Variants in BRIP1 observed in about 807,000 individuals in gnomAD.
BRIP1 encodes the protein BRCA1 interacting DNA helicase 1.
In BRIP1, 88 loss-of-function variants were observed where a neutral mutation model predicts 119.7. The ratio of observed to expected loss-of-function variants is 0.74; its 90% CI spans 0.62 to 0.88. The LOEUF (loss-of-function observed/expected upper bound fraction) is 0.88, where lower values mean the gene tolerates loss of function less well. Among genes scored for constraint, BRIP1 ranks in the 40% least tolerant of loss-of-function variants. The pLI, the probability that BRIP1 is intolerant of heterozygous loss-of-function variation, is 0.00. For synonymous variants in BRIP1, 443 were observed against 496.5 expected, an observed-to-expected ratio of 0.89 and a Z score of 1.43; for missense variants, 1,259 against 1,455.4, an observed-to-expected ratio of 0.87 and a Z score of 2.20.
intron 6 of BRIP1, among the ~76,000 whole-genome samples, chr17:61,833,860 A>G (rs2078530299): frequency 6.6e-6 from 1 of 152,172 alleles, no homozygotes; most frequent in South Asian, 2.1e-4. Context: ...CTTTTTCTCT[A>G]AAAGGCCAGA....
chr17:61,776,083 T>C lies in BRIP1; in HGVS notation c.2097+318A>G. On this transcript the variant is annotated intron_variant, in intron 14 of 19. Transcript: ENST00000259008. This position sits in a 1 kb window ranked among gnomAD's most constrained non-coding sequence, Gnocchi z 5.0. Reference sequence around the variant, plus strand: ...ATTTTGTAGAGGCAGAGTTTCACCATGTTCTCCAGGCTGGTCTCGAACTCC... The same window carrying C: ...ATTTTGTAGAGGCAGAGTTTCACCACGTTCTCCAGGCTGGTCTCGAACTCC... The C allele has an allele frequency of 3.0e-6, 1 of 331,120 alleles. No individual in the cohort carries two copies. Among genetic ancestry groups the C allele is most frequent in the South Asian group, 2.9e-5 (1 of 34,926 alleles). 20.5% of individuals were successfully genotyped at this position (331,120 alleles called of 1,614,324 possible). A position where few individuals can be genotyped will look rare whatever the true frequency, so the allele number is the denominator to read the frequency against.
chr17:61,733,638 A>G (rs1357810512), intron 16 of BRIP1, among the ~76,000 whole-genome samples: 2 of 152,172 alleles, frequency 1.3e-5, no homozygotes, highest in Non-Finnish European at 2.9e-5. Context: ...TTAAAATAAT[A>G]TATACCCAAA....
intron 10 of BRIP1, among the ~76,000 whole-genome samples, chr17:61,786,826 AT>A (rs1567819203): frequency 7.8e-6 from 1 of 127,448 alleles, no homozygotes; most frequent in East Asian, 2.2e-4. Flanking sequence ...ATATAAATAT[AT>A]TTTATATAAT....
rs879546925 is a variant in BRIP1, at chr17:61,793,212, C to G, written c.1473+385G>C. Among the ~76,000 whole-genome samples, 4 of 152,148 alleles carry G rather than the reference C, an allele frequency of 2.6e-5. No homozygotes were observed. In the East Asian group the frequency reaches 7.7e-4, roughly 29 times the overall value. On this transcript the variant is annotated intron_variant, in intron 10 of 19. Transcript: ENST00000259008. The surrounding 1 kb of genome is among the most constrained non-coding windows in gnomAD (Gnocchi z 5.2). ...TAGTCTTCCAAAGCCTACTCATGATCTCTCCATGAATATCAGGTTTATAAT... is the reference window on the plus strand; with the variant it reads ...TAGTCTTCCAAAGCCTACTCATGATGTCTCCATGAATATCAGGTTTATAAT...
rs974726866 is a variant in BRIP1 at position 61,699,060 on chromosome 17, G to T, written c.2493-5548C>A. ...CTATTAACTTTTTTTTGTCTTAAGG[G>T]TCTATTTTATCTGATATTAGTATAA... On this transcript the variant is annotated intron_variant, in intron 17 of 19. Transcript: ENST00000259008. This position sits in a 1 kb window ranked among gnomAD's most constrained non-coding sequence, Gnocchi z 4.8. 3.9e-5 allele frequency among the ~76,000 whole-genome samples: 6 copies of T among 152,056 alleles called. No homozygotes were observed. Among genetic ancestry groups the T allele is most frequent in the Non-Finnish European group, 7.4e-5 (5 of 68,006 alleles).
In BRIP1 at chr17:61,827,621, C is replaced by T. The variant is rs1333679411; in HGVS notation, c.628-18864G>A. Reference sequence around the variant, plus strand: ...GCACACACCTGTAATCCCAGCTATTCGGGAGGCTGAGGTGGGAGGACTGCT... The same window carrying T: ...GCACACACCTGTAATCCCAGCTATTTGGGAGGCTGAGGTGGGAGGACTGCT... On this transcript the variant is annotated intron_variant, in intron 6 of 19. Transcript: ENST00000259008. This position sits in a 1 kb window ranked among gnomAD's most constrained non-coding sequence, Gnocchi z 5.8. Among the ~76,000 whole-genome samples, 5 of 152,000 alleles carry T rather than the reference C, an allele frequency of 3.3e-5. No homozygotes were observed. In the East Asian group the frequency reaches 5.8e-4, roughly 18 times the overall value.
chr17:61,760,706 A>G lies in BRIP1; in HGVS notation c.2097+15695T>C, dbSNP rs2077265570. ...GAAATGGATAAATTCCTAGACACATACAACCTACCAAGACTGCATCATAAA... is the reference window on the plus strand; with the variant it reads ...GAAATGGATAAATTCCTAGACACATGCAACCTACCAAGACTGCATCATAAA... On this transcript the variant is annotated intron_variant, in intron 14 of 19. Coordinates refer to ENST00000259008, the MANE Select transcript of BRIP1 (RefSeq NM_032043.3). This position sits in a 1 kb window ranked among gnomAD's most constrained non-coding sequence, Gnocchi z 4.6. Among the ~76,000 whole-genome samples the G allele has an allele frequency of 6.6e-6, 1 of 152,016 alleles. No homozygotes were observed. The highest frequency in any genetic ancestry group is 6.6e-5 in the Admixed American group (1 of 15,238).
rs573486423 is a variant in BRIP1 at position 61,810,841 on chromosome 17, CT to C, written c.628-2085del. Reference sequence around the variant, plus strand: ...CTTCATATATACATATCTTTCATATCTTTTTTTCAAATAGAAAGGGATGCTA... The same window carrying C: ...CTTCATATATACATATCTTTCATATCTTTTTTCAAATAGAAAGGGATGCTA... On this transcript the variant is annotated intron_variant, in intron 6 of 19. Coordinates refer to ENST00000259008, the MANE Select transcript of BRIP1 (RefSeq NM_032043.3). The surrounding 1 kb of genome is among the most constrained non-coding windows in gnomAD (Gnocchi z 4.7). Among the ~76,000 whole-genome samples the C allele has an allele frequency of 2.7e-4, 41 of 152,118 alleles. No individual in the cohort carries two copies. The highest frequency in any genetic ancestry group is 9.6e-4 in the African/African-American group (40 of 41,524).
chr17:61,832,177 T>A lies in BRIP1; in HGVS notation c.627+14924A>T, dbSNP rs1166706749. ...AATATAAGGTGAGCCTGGAACACTATCTTTTGCCAAAAAATAAGGAAGCGT... is the reference window on the plus strand; with the variant it reads ...AATATAAGGTGAGCCTGGAACACTAACTTTTGCCAAAAAATAAGGAAGCGT... On this transcript the variant is annotated intron_variant, in intron 6 of 19. Coordinates refer to ENST00000259008, the MANE Select transcript of BRIP1 (RefSeq NM_032043.3). This position sits in a 1 kb window ranked among gnomAD's most constrained non-coding sequence, Gnocchi z 5.5. Among the ~76,000 whole-genome samples, 2 of 152,170 alleles carry A rather than the reference T, an allele frequency of 1.3e-5. No individual in the cohort carries two copies. Among genetic ancestry groups the A allele is most frequent in the African/African-American group, 4.8e-5 (2 of 41,444 alleles).
rs750994596 is a variant in BRIP1, at chr17:61,780,421, G to C, written c.1795-20C>G. ...AAAGGCCTAAAAGAAAACAACATTA[G>C]ATAAATAAAATTATCTTTAGAAGAG... is the stretch of plus-strand genomic sequence containing the variant. On this transcript the variant is annotated intron_variant, in intron 12 of 19. Transcript: ENST00000259008. The surrounding 1 kb of genome is among the most constrained non-coding windows in gnomAD (Gnocchi z 5.4). 1 of 1,596,442 alleles carries C rather than the reference G, an allele frequency of 6.3e-7. No homozygotes were observed. The highest frequency in any genetic ancestry group is 8.6e-7 in the Non-Finnish European group (1 of 1,164,554).
At chr17:61,791,248 G>C (rs2077811355) in intron 10 of BRIP1, among the ~76,000 whole-genome samples, 1 of 151,874 alleles carries the variant, frequency 6.6e-6, no homozygotes, top group Admixed American at 6.6e-5. Flanking sequence ...CAGCACTTTG[G>C]GAGGCCAAGG....
At position 61,690,146 on chromosome 17, in the gene BRIP1, A is replaced by G. The variant is rs2061426502; in HGVS notation, c.2575+3284T>C. Among the ~76,000 whole-genome samples, 1 of 152,240 alleles carries G rather than the reference A, an allele frequency of 6.6e-6. No homozygotes were observed. The highest frequency in any genetic ancestry group is 2.4e-5 in the African/African-American group (1 of 41,468). The stretch of plus-strand genomic sequence containing the variant: ...CCATCTATCAAAATGAATAGGAGGT[A>G]AAAACTTTTCCAGATAAGCAAAAGC... On this transcript the variant is annotated intron_variant, in intron 18 of 19. Coordinates refer to ENST00000259008, the MANE Select transcript of BRIP1 (RefSeq NM_032043.3). The surrounding 1 kb of genome is among the most constrained non-coding windows in gnomAD (Gnocchi z 5.6).
rs2078010722 is a variant in BRIP1, at chr17:61,802,470, T to C, written c.919-996A>G. The stretch of plus-strand genomic sequence containing the variant: ...ACAAAGCCCTATCTCTAAATAGTAA[T>C]AAAAACAAGAACAAAGCAAATGTTC... On this transcript the variant is annotated intron_variant, in intron 7 of 19. Transcript: ENST00000259008. The surrounding 1 kb of genome is among the most constrained non-coding windows in gnomAD (Gnocchi z 6.0). Among the ~76,000 whole-genome samples the C allele has an allele frequency of 6.6e-6, 1 of 151,966 alleles. No homozygotes were observed. The highest frequency in any genetic ancestry group is 2.1e-4 in the South Asian group (1 of 4,820).
At chr17:61,858,721 A>G (rs779707271) in intron 3 of BRIP1, among the ~76,000 whole-genome samples, 2 of 152,178 alleles carry the variant, frequency 1.3e-5, no homozygotes, top group Non-Finnish European at 2.9e-5. Context: ...AAATGTATCT[A>G]TATACCTATA....
In BRIP1 at chr17:61,689,918, A is replaced by C. The variant is rs2061423798; in HGVS notation, c.2575+3512T>G. Among the ~76,000 whole-genome samples, 1 of 152,108 alleles carries C rather than the reference A, an allele frequency of 6.6e-6. No individual in the cohort carries two copies. The highest frequency in any genetic ancestry group is 2.1e-4 in the South Asian group (1 of 4,822). On this transcript the variant is annotated intron_variant, in intron 18 of 19. Transcript: ENST00000259008. The surrounding 1 kb of genome is among the most constrained non-coding windows in gnomAD (Gnocchi z 4.5). ...TCCCAGCTGAGGCTGAGGTGGGAGGATCACTTGAGCCTGGGAGGCTGAGGC... is the reference window on the plus strand; with the variant it reads ...TCCCAGCTGAGGCTGAGGTGGGAGGCTCACTTGAGCCTGGGAGGCTGAGGC...
chr17:61,848,994 A>T lies in BRIP1; in HGVS notation c.507+135T>A. On this transcript the variant is annotated intron_variant, in intron 5 of 19. Coordinates refer to ENST00000259008, the MANE Select transcript of BRIP1 (RefSeq NM_032043.3). This position sits in a 1 kb window ranked among gnomAD's most constrained non-coding sequence, Gnocchi z 4.3. The stretch of plus-strand genomic sequence containing the variant: ...TGTAACAAGTAACTCTACAAAATGA[A>T]ATTACAACAAATTATTAATTTATGG... The T allele has an allele frequency of 1.0e-6, 1 of 1,004,746 alleles. No individual in the cohort carries two copies. Among genetic ancestry groups the T allele is most frequent in the Non-Finnish European group, 1.5e-6 (1 of 656,980 alleles). 62.2% of individuals were successfully genotyped at this position (1,004,746 alleles called of 1,614,324 possible).
chr17:61,784,675 G>A (rs1404923726), intron 10 of BRIP1, among the ~76,000 whole-genome samples: 1 of 152,158 alleles, frequency 6.6e-6, no homozygotes, highest in Non-Finnish European at 1.5e-5. Flanking sequence ...CCCTCCCTAA[G>A]TAGAGAGGGG....
At position 61,776,437 on chromosome 17, in the gene BRIP1, C is replaced by G. The variant is rs112414873; in HGVS notation, c.2061G>C (p.Val687=). The G allele has an allele frequency of 2.7e-4, 442 of 1,614,102 alleles. 2 individuals are homozygous for G. The African/African-American group carries it at 5.0e-3, about 18-fold the overall frequency. ...GALLLSVCQT[V]SQGILCFLPS... ...GCAAGAAACACAAAATTCCTTGGCTCACAGTCTGGCACACAGATAACAAAA... is the reference window on the plus strand; with the variant it reads ...GCAAGAAACACAAAATTCCTTGGCTGACAGTCTGGCACACAGATAACAAAA... Residue 687 remains valine (V), a synonymous_variant, in exon 14 of 20, where the codon GTG becomes GTC. Transcript: ENST00000259008. This position sits in a 1 kb window ranked among gnomAD's most constrained non-coding sequence, Gnocchi z 5.0.
chr17:61,716,635 T>C (rs1281090826), intron 16 of BRIP1, among the ~76,000 whole-genome samples: 1 of 152,150 alleles, frequency 6.6e-6, no homozygotes, highest in Non-Finnish European at 1.5e-5. Flanking sequence ...CTCTGCTTTT[T>C]AATTGCAATG....
Sources: gnomAD v4.1 joint callset for allele counts (sites outside exome capture counted in the v4.1 genomes callset) on GRCh38, gnomAD v4.1.1 for gene constraint, Gnocchi (gnomAD v3.1) non-coding constraint, MANE v1.5 for transcripts, NCBI Gene and HGNC (gene_info 2026-07-23, HGNC 2026-07-21) for gene names.